KRIT1: variants seen among roughly 807,000 people sequenced by gnomAD.
The protein encoded by KRIT1 is KRIT1 ankyrin repeat containing, also known as krev interaction trapped protein 1.
Under a neutral mutation model 95.8 loss-of-function variants are expected in KRIT1, and 45 were observed. That is an observed-to-expected ratio of 0.47 (90% CI 0.37 to 0.60). The LOEUF is 0.60. Among genes scored for constraint, KRIT1 ranks in the 20% least tolerant of loss-of-function variants. KRIT1 has a pLI of 0.00. For missense variants in KRIT1, 788 were observed against 877.5 expected (o/e 0.90, Z 1.29); for synonymous variants, 282 against 278.8 (o/e 1.01, Z -0.11).
Position 92,213,288 on chromosome 7 carries a change from T to C in KRIT1, c.1932A>G (p.Ile644Met). 6 of 1,613,584 alleles carry C rather than the reference T, an allele frequency of 3.7e-6. No homozygotes were observed. Among genetic ancestry groups the C allele is most frequent in the Non-Finnish European group, 5.1e-6 (6 of 1,179,572 alleles). Residue 644 changes from isoleucine (I) to methionine (M), a missense_variant, in exon 17 of 19, where the codon ATA (isoleucine) becomes ATG (methionine). By Grantham distance (10) the Ile-to-Met change is conservative. This residue lies in a region of KRIT1 where 493 missense variants were observed against 582.3 expected (regional missense o/e 0.85). Transcript: ENST00000394505. ...GATTGCTGGGGCTTGCCTTTGTAAA[T>C]ATCTGTCCTGTGAAAAATGCTGCTC... ...TYGAAFFTGQ[I>M]FTKASPSNHK...
At chr7:92,215,114 T>C (rs1019401719) in intron 14 of KRIT1, among the ~76,000 whole-genome samples, 1 of 151,368 alleles carries the variant, frequency 6.6e-6, no homozygotes, top group Non-Finnish European at 1.5e-5. Context: ...TAGGAAATAG[T>C]TATTTTTTTT....
intron 17 of KRIT1, among the ~76,000 whole-genome samples, chr7:92,207,114 A>C (rs531064144): frequency 1.3e-5 from 2 of 152,154 alleles, no homozygotes; most frequent in African/African-American, 4.8e-5. Flanking sequence ...AAAACTCCCT[A>C]AGTCTTGTAA....
intron 11 of KRIT1, among the ~76,000 whole-genome samples, chr7:92,226,325 T>A (rs542437072): frequency 9.8e-4 from 149 of 152,136 alleles, no homozygotes; most frequent in Non-Finnish European, 1.7e-3. Flanking sequence ...AAAAAAAAAA[T>A]ATGTTCAAAA....
intron 14 of KRIT1, among the ~76,000 whole-genome samples, chr7:92,215,159 A>G (rs2131334203): frequency 6.6e-6 from 1 of 152,286 alleles, no homozygotes; most frequent in Non-Finnish European, 1.5e-5. Flanking sequence ...TCATCTTGTG[A>G]GGTATACAAA....
chr7:92,235,275 C>T (rs762310079), intron 8 of KRIT1, 128 bp downstream of exon 8: 5 of 938,000 alleles, frequency 5.3e-6, no homozygotes, highest in Non-Finnish European at 8.2e-6. Flanking sequence ...GCTGGGATTA[C>T]AGGCGTGAGC....
chr7:92,231,170 A>G (rs1266277233), intron 10 of KRIT1, among the ~76,000 whole-genome samples: 1 of 152,158 alleles, frequency 6.6e-6, no homozygotes, highest in African/African-American at 2.4e-5. Context: ...TCAGTGAGAC[A>G]TTTACTGAGT....
chr7:92,235,630 G>T lies in KRIT1; in HGVS notation c.502C>A (p.His168Asn). Residue 168 changes from histidine to asparagine, a missense_variant, in exon 8 of 19, where the codon CAT becomes AAT. Physicochemically the swap from His to Asn is moderately conservative, Grantham distance 68. This residue lies in a region of KRIT1 where 289 missense variants were observed against 277.5 expected (regional missense o/e 1.04). Coordinates refer to ENST00000394505, the MANE Select transcript of KRIT1 (RefSeq NM_194454.3). ...IALDKWLDER[H>N]AQSHFIPALF... The stretch of plus-strand genomic sequence containing the variant: ...GCTGGAATAAAGTGAGATTGTGCAT[G>T]ACGTTCATCTAACCACCTGGCAAAA... 1 of 1,613,750 alleles carries T rather than the reference G, an allele frequency of 6.2e-7. No individual in the cohort carries two copies. Among genetic ancestry groups the T allele is most frequent in the South Asian group, 1.1e-5 (1 of 91,018 alleles).
chr7:92,230,785 T>C (rs1031696835), intron 10 of KRIT1, among the ~76,000 whole-genome samples: 11 of 152,144 alleles, frequency 7.2e-5, no homozygotes, highest in African/African-American at 2.4e-4. Flanking sequence ...TCATTAGGGA[T>C]AGAGAAGAAC....
chr7:92,241,252 T>C, intron 4 of KRIT1, 100 bp from the exon 5 acceptor site: 1 of 884,100 alleles, frequency 1.1e-6, no homozygotes, highest in East Asian at 2.6e-5. Context: ...AGCTGCATAT[T>C]AGAATAATTT....
rs149701439 is a variant in KRIT1 at position 92,228,575 on chromosome 7, G to A, written c.990-1893C>T. Reference sequence around the variant, plus strand: ...TTACTCAGGTGATTTGTTTTGCTCAGGTTTTGCTATTCTTTTTTTAACTTT... The same window carrying A: ...TTACTCAGGTGATTTGTTTTGCTCAAGTTTTGCTATTCTTTTTTTAACTTT... On this transcript the variant is annotated intron_variant, in intron 10 of 18. Transcript: ENST00000394505. 6.7e-3 allele frequency among the ~76,000 whole-genome samples: 1,017 copies of A among 152,192 alleles called. 8 individuals carry two copies. Among genetic ancestry groups the A allele is most frequent in the Non-Finnish European group, 0.01 (684 of 67,998 alleles).
At chr7:92,236,961 C>A (rs1176074801) in intron 6 of KRIT1, among the ~76,000 whole-genome samples, 2 of 152,096 alleles carry the variant, frequency 1.3e-5, no homozygotes, top group Non-Finnish European at 2.9e-5. Context: ...TATAGTATAT[C>A]ATCAGTGTTA....
chr7:92,220,974 C>T (rs562616010), intron 14 of KRIT1, among the ~76,000 whole-genome samples: 48 of 152,122 alleles, frequency 3.2e-4, no homozygotes, highest in African/African-American at 1.1e-3. Flanking sequence ...AGGCATGAGC[C>T]ACTGTGCCTG....
chr7:92,225,945 T>C, intron 11 of KRIT1, 118 bp from the exon 12 acceptor site: 1 of 665,890 alleles, frequency 1.5e-6, no homozygotes, highest in Non-Finnish European at 2.7e-6. Context: ...AGTACTAAAG[T>C]AAATATTAAC....
chr7:92,230,367 T>C (rs1031164686), intron 10 of KRIT1, among the ~76,000 whole-genome samples: 4 of 152,160 alleles, frequency 2.6e-5, no homozygotes, highest in African/African-American at 4.8e-5. Flanking sequence ...AATGATAAGA[T>C]ATCAATAATA....
At chr7:92,201,593 T>C (rs1327360071) in intron 17 of KRIT1, 170 bp from the exon 18 acceptor site, 1 of 586,510 alleles carries the variant, frequency 1.7e-6, no homozygotes, top group African/African-American at 1.9e-5. Context: ...TGTGCAGTTT[T>C]GTTACATAGA....
chr7:92,237,730 G>A lies in KRIT1; in HGVS notation c.292C>T (p.Pro98Ser), dbSNP rs199905288. 79 of 1,606,496 alleles carry A rather than the reference G, an allele frequency of 4.9e-5. No homozygotes were observed. Among genetic ancestry groups the A allele is most frequent in the Middle Eastern group, 3.3e-4 (2 of 6,042 alleles). Residue 98 changes from proline to serine, a missense_variant, in exon 6 of 19, where the codon CCT becomes TCT. This residue lies in a region of KRIT1 where 289 missense variants were observed against 277.5 expected (regional missense o/e 1.04). Coordinates refer to ENST00000394505, the MANE Select transcript of KRIT1 (RefSeq NM_194454.3). The part of the protein sequence containing the change: ...GKRVVLMKKF[P>S]LDGEKMGREA... The stretch of plus-strand genomic sequence containing the variant: ...CTGCCCATCTTCTCTCCATCCAGAG[G>A]AAATTTTTTCATTAGTACAACTCGT...
Position 92,242,096 on chromosome 7 carries a change from C to A in KRIT1, c.40G>T (p.Val14Phe). 6.2e-7 allele frequency: 1 copy of A among 1,604,650 alleles called. No homozygotes were observed. The highest frequency in any genetic ancestry group is 2.2e-5 in the East Asian group (1 of 44,724). Residue 14 changes from valine to phenylalanine, a missense_variant, in exon 4 of 19, where the codon GTT becomes TTT. Physicochemically the swap from Val to Phe is conservative, Grantham distance 50. Coordinates refer to ENST00000394505, the MANE Select transcript of KRIT1 (RefSeq NM_194454.3). ...CTGGCAGTATTCTTTGGACGAATAACAGCAACATATGCATCTTCTATGTTT... is the reference window on the plus strand; with the variant it reads ...CTGGCAGTATTCTTTGGACGAATAAAAGCAACATATGCATCTTCTATGTTT... ...PENIEDAYVAVIRPKNTASLN... is the reference protein window; with the variant it reads ...PENIEDAYVAFIRPKNTASLN...
intron 17 of KRIT1, among the ~76,000 whole-genome samples, chr7:92,202,541 A>G (rs1384803207): frequency 6.6e-6 from 1 of 152,230 alleles, no homozygotes; most frequent in Non-Finnish European, 1.5e-5. Flanking sequence ...TATGTTTAGA[A>G]GCATTCAGTT....
intron 17 of KRIT1, among the ~76,000 whole-genome samples, chr7:92,207,365 A>G (rs1298283642): frequency 3.4e-5 from 5 of 147,554 alleles, no homozygotes; most frequent in South Asian, 2.2e-4. Context: ...TAAAATGCTA[A>G]AAGTTAAAGA....
Sources: allele counts gnomAD v4.1 joint callset (sites outside exome capture counted in the v4.1 genomes callset), GRCh38; gene constraint gnomAD v4.1.1; regional missense constraint gnomAD v4.1.1; transcripts MANE v1.5; gene names NCBI Gene and HGNC (gene_info 2026-07-23, HGNC 2026-07-21).